KIF13B: variants seen among roughly 807,000 people sequenced by gnomAD.
KIF13B encodes the protein kinesin-like protein KIF13B.
In KIF13B, 127 loss-of-function variants were observed where a neutral mutation model predicts 222.0. The observed-to-expected ratio is 0.57, with a 90% CI of 0.50 to 0.66. KIF13B has a LOEUF of 0.66. KIF13B is among the 30% of genes least tolerant of loss of function. The pLI is 0.00. For missense variants in KIF13B, 2,173 were observed against 2,379.0 expected (o/e 0.91, Z 1.80); for synonymous variants, 976 against 919.0 (o/e 1.06, Z -1.12).
At chr8:29,256,641 T>C (rs1816487262) in intron 1 of KIF13B, among the ~76,000 whole-genome samples, 2 of 152,248 alleles carry the variant, frequency 1.3e-5, no homozygotes, top group Admixed American at 1.3e-4. Context: ...CTCTTAAAGA[T>C]AATCATGTCC....
At chr8:29,252,022 G>C (rs1816304969) in intron 1 of KIF13B, among the ~76,000 whole-genome samples, 1 of 151,402 alleles carries the variant, frequency 6.6e-6, no homozygotes, top group African/African-American at 2.4e-5. Flanking sequence ...GAAAAAAAAG[G>C]AAAAAGGAAA....
intron 2 of KIF13B, among the ~76,000 whole-genome samples, chr8:29,221,197 G>A (rs1814733226): frequency 6.9e-6 from 1 of 145,700 alleles, no homozygotes; most frequent in Admixed American, 7.1e-5. Flanking sequence ...CCACCCCCCA[G>A]GTTCAAGCAA....
chr8:29,148,433 A>G (rs959988964), intron 16 of KIF13B, 144 bp downstream of exon 16: 2 of 444,848 alleles, frequency 4.5e-6, no homozygotes, highest in East Asian at 3.5e-5. Flanking sequence ...ACGTCTTGCT[A>G]TGTTGCCCAG....
chr8:29,167,683 G>T, intron 10 of KIF13B, 98 bp from the exon 11 acceptor site: 1 of 959,282 alleles, frequency 1.0e-6, no homozygotes, highest in South Asian at 1.4e-5. Flanking sequence ...ATTTCCCCAG[G>T]TCAAACACAT....
intron 2 of KIF13B, among the ~76,000 whole-genome samples, chr8:29,216,973 A>C (rs1310900668): frequency 1.3e-5 from 2 of 152,162 alleles, no homozygotes; most frequent in Non-Finnish European, 2.9e-5. Flanking sequence ...AAAAAAAAAA[A>C]ACTTTGTCTT....
Position 29,116,360 on chromosome 8 carries a change from C to T in KIF13B, c.3837+471G>A, listed in dbSNP as rs188012819. Among the ~76,000 whole-genome samples the T allele has an allele frequency of 2.6e-3, 391 of 152,168 alleles. 1 individual carries two copies. The highest frequency in any genetic ancestry group is 6.8e-3 in the Middle Eastern group (2 of 292). On this transcript the variant is annotated intron_variant, in intron 31 of 39. Transcript: ENST00000524189. Reference sequence around the variant, plus strand: ...GGCACACGTCTGTGGTCCCAGCTACCGGGGAGGCTGAGATGGAAGGATCAC... The same window carrying T: ...GGCACACGTCTGTGGTCCCAGCTACTGGGGAGGCTGAGATGGAAGGATCAC...
At chr8:29,108,737 ATCAC>A in intron 34 of KIF13B, among the ~76,000 whole-genome samples, 1 of 152,126 alleles carries the variant, frequency 6.6e-6, no homozygotes, top group East Asian at 1.9e-4. Flanking sequence ...AACTCCTCCT[ATCAC>A]TCTCTCTTCT....
At chr8:29,103,339 T>G (rs1808889546) in intron 35 of KIF13B, among the ~76,000 whole-genome samples, 1 of 151,846 alleles carries the variant, frequency 6.6e-6, no homozygotes, top group Admixed American at 6.6e-5. Flanking sequence ...AATGCACAGC[T>G]GACTCCAGGG....
At chr8:29,241,706 GAAAAAA>G (rs75531371) in intron 2 of KIF13B, among the ~76,000 whole-genome samples, 3 of 96,728 alleles carry the variant, frequency 3.1e-5, no homozygotes, top group Non-Finnish European at 4.8e-5. Context: ...GCAAGGGAGG[GAAAAAA>G]AAAAAAAAAA....
intron 13 of KIF13B, among the ~76,000 whole-genome samples, chr8:29,159,565 G>A (rs1466228221): frequency 1.3e-5 from 2 of 152,128 alleles, no homozygotes; most frequent in East Asian, 1.9e-4. Flanking sequence ...TTCTGTTTAC[G>A]AAGTACTTCT....
At chr8:29,233,500 G>A (rs1815375966) in intron 2 of KIF13B, among the ~76,000 whole-genome samples, 1 of 152,206 alleles carries the variant, frequency 6.6e-6, no homozygotes, top group Non-Finnish European at 1.5e-5. Flanking sequence ...ATGTTATAAT[G>A]TTCTAAAATT....
At chr8:29,172,530 C>T (rs1812291174) in intron 10 of KIF13B, among the ~76,000 whole-genome samples, 1 of 152,218 alleles carries the variant, frequency 6.6e-6, no homozygotes, top group Admixed American at 6.5e-5. Flanking sequence ...TTTCATTCTT[C>T]AAGTTCAAGT....
intron 16 of KIF13B, 121 bp from the exon 17 acceptor site, chr8:29,147,723 A>G: frequency 1.4e-6 from 1 of 734,870 alleles, no homozygotes; most frequent in Non-Finnish European, 2.2e-6. Context: ...TTTAAAGACA[A>G]TTTGGCATAA....
At chr8:29,120,166 GTTTTTTT>G (rs57731633) in intron 29 of KIF13B, among the ~76,000 whole-genome samples, 106 of 102,368 alleles carry the variant, frequency 1.0e-3, no homozygotes, top group African/African-American at 3.3e-3. Flanking sequence ...AAAAATGACA[GTTTTTTT>G]TTTTTTTTTT....
intron 2 of KIF13B, among the ~76,000 whole-genome samples, chr8:29,240,683 G>A (rs1327169264): frequency 6.6e-6 from 1 of 152,132 alleles, no homozygotes; most frequent in Non-Finnish European, 1.5e-5. Flanking sequence ...AGTAGCCAAG[G>A]GCTGAATCTG....
At chr8:29,114,833 G>A (rs1809520657) in intron 31 of KIF13B, among the ~76,000 whole-genome samples, 1 of 152,216 alleles carries the variant, frequency 6.6e-6, no homozygotes. Context: ...TGTAGGGCCG[G>A]TGGTTGTGCC....
intron 18 of KIF13B, among the ~76,000 whole-genome samples, chr8:29,143,614 A>G (rs529182324): frequency 2.0e-5 from 3 of 152,264 alleles, no homozygotes; most frequent in East Asian, 3.9e-4. Flanking sequence ...TTGGGAGGCC[A>G]AGGCAGGCAG....
chr8:29,112,145 T>A (rs1449604045), intron 32 of KIF13B, among the ~76,000 whole-genome samples: 2 of 152,234 alleles, frequency 1.3e-5, no homozygotes, highest in Non-Finnish European at 2.9e-5. Context: ...ATGTAATATT[T>A]TTCTTTTCCA....
intron 21 of KIF13B, among the ~76,000 whole-genome samples, chr8:29,138,052 A>T (rs939129433): frequency 1.3e-5 from 2 of 152,348 alleles, no homozygotes; most frequent in East Asian, 3.9e-4. Flanking sequence ...AAACCAATTC[A>T]TTATTTTAAA....
Sources: allele counts gnomAD v4.1 joint callset (sites outside exome capture counted in the v4.1 genomes callset), GRCh38; gene constraint gnomAD v4.1.1; transcripts MANE v1.5; gene names NCBI Gene and HGNC (gene_info 2026-07-23, HGNC 2026-07-21).